Variants in MYO3B observed in about 807,000 individuals in gnomAD.
The protein encoded by MYO3B is myosin IIIB, also known as myosin-IIIb.
In MYO3B, 156 loss-of-function variants were observed where a neutral mutation model predicts 174.6. The observed-to-expected ratio is 0.89, with a 90% CI of 0.78 to 1.02. The LOEUF (loss-of-function observed/expected upper bound fraction) is 1.02. Among genes scored for constraint, MYO3B ranks in the 50% least tolerant of loss-of-function variants. The pLI is 0.00. For synonymous variants in MYO3B, 563 were observed against 569.1 expected, an observed-to-expected ratio of 0.99 and a Z score of 0.15; for missense variants, 1,632 against 1,639.4, an observed-to-expected ratio of 1.00 and a Z score of 0.08.
chr2:170,529,762 G>A (rs543999000), intron 30 of MYO3B, among the ~76,000 whole-genome samples: 1 of 152,170 alleles, frequency 6.6e-6, no homozygotes, highest in East Asian at 1.9e-4. Context: ...AAATATTGCA[G>A]GAAACAAAAT....
At chr2:170,326,341 T>C (rs1271735551) in intron 7 of MYO3B, among the ~76,000 whole-genome samples, 1 of 152,202 alleles carries the variant, frequency 6.6e-6, no homozygotes. Context: ...AAAAAAATTA[T>C]GCATTTACAA....
intron 7 of MYO3B, among the ~76,000 whole-genome samples, chr2:170,326,933 G>A (rs576502802): frequency 3.3e-5 from 5 of 152,348 alleles, no homozygotes; most frequent in Admixed American, 6.5e-5. Context: ...GCCAGAGGAC[G>A]TGAACACCTG....
At chr2:170,624,980 G>T (rs1009636837) in intron 32 of MYO3B, among the ~76,000 whole-genome samples, 5 of 152,174 alleles carry the variant, frequency 3.3e-5, no homozygotes, top group African/African-American at 1.2e-4. Flanking sequence ...GTATTTTATT[G>T]AGGATTTTTG....
At chr2:170,365,888 G>T (rs13004652) in intron 8 of MYO3B, among the ~76,000 whole-genome samples, 65,630 of 151,982 alleles carry the variant, frequency 0.43, 16,799 homozygotes, top group Admixed American at 0.6. Context: ...AGTTCAGAGC[G>T]TGCCCAACCC....
chr2:170,378,962 C>A (rs2094314378), intron 9 of MYO3B, among the ~76,000 whole-genome samples: 1 of 152,192 alleles, frequency 6.6e-6, no homozygotes, highest in Non-Finnish European at 1.5e-5. Flanking sequence ...TTCTCAGAGT[C>A]TTAAGATAGC....
intron 32 of MYO3B, among the ~76,000 whole-genome samples, chr2:170,625,418 T>C (rs530625829): frequency 6.4e-4 from 97 of 152,350 alleles, no homozygotes; most frequent in African/African-American, 2.2e-3. Flanking sequence ...TGATATGCCC[T>C]TTATCACATC....
chr2:170,607,536 C>G (rs1403427639), intron 32 of MYO3B, among the ~76,000 whole-genome samples: 1 of 151,232 alleles, frequency 6.6e-6, no homozygotes, highest in African/African-American at 2.4e-5. Flanking sequence ...AAGGAAGTTT[C>G]ATGACCATTC....
intron 22 of MYO3B, 25 bp from the exon 23 acceptor site, chr2:170,443,942 A>G (rs1335667555): frequency 3.8e-6 from 6 of 1,587,506 alleles, no homozygotes; most frequent in Non-Finnish European, 4.3e-6. Flanking sequence ...CCTTTAATTT[A>G]TGTTCTTTGT....
intron 17 of MYO3B, among the ~76,000 whole-genome samples, chr2:170,400,653 C>T (rs891761404): frequency 2.1e-5 from 3 of 140,634 alleles, no homozygotes; most frequent in Admixed American, 7.0e-5. Flanking sequence ...TCCACCCCCC[C>T]CCCCTCGGCC....
intron 3 of MYO3B, among the ~76,000 whole-genome samples, chr2:170,213,665 G>GA: frequency 6.6e-6 from 1 of 152,222 alleles, no homozygotes; most frequent in South Asian, 2.1e-4. Context: ...TGCTTTATGT[G>GA]CTCAAACTTC....
intron 32 of MYO3B, among the ~76,000 whole-genome samples, chr2:170,575,715 C>T (rs1233739469): frequency 6.6e-6 from 1 of 152,178 alleles, no homozygotes; most frequent in East Asian, 1.9e-4. Context: ...AGATTATAGG[C>T]AGTCCTTACT....
At chr2:170,633,987 A>G (rs1016257242) in intron 32 of MYO3B, among the ~76,000 whole-genome samples, 3 of 152,246 alleles carry the variant, frequency 2.0e-5, no homozygotes, top group African/African-American at 7.2e-5. Flanking sequence ...AAATGGAAGA[A>G]CATTCCATGC....
At chr2:170,376,385 A>G (rs752941582) in intron 9 of MYO3B, among the ~76,000 whole-genome samples, 1 of 152,216 alleles carries the variant, frequency 6.6e-6, no homozygotes, top group Non-Finnish European at 1.5e-5. Context: ...TTGAATGGAA[A>G]TTAAGATTTA....
At chr2:170,617,562 A>G (rs1254689408) in intron 32 of MYO3B, among the ~76,000 whole-genome samples, 2 of 152,328 alleles carry the variant, frequency 1.3e-5, no homozygotes, top group East Asian at 3.9e-4. Flanking sequence ...TCTCCAGCCC[A>G]AACTCTCATA....
intron 7 of MYO3B, among the ~76,000 whole-genome samples, chr2:170,333,558 C>G (rs539135812): frequency 6.6e-6 from 1 of 152,132 alleles, no homozygotes; most frequent in Non-Finnish European, 1.5e-5. Context: ...ATCCTTCCCC[C>G]CTGCTCTCTC....
intron 12 of MYO3B, 99 bp from the exon 13 acceptor site, chr2:170,386,090 A>G (rs2094372138): frequency 2.3e-6 from 2 of 887,590 alleles, no homozygotes; most frequent in African/African-American, 1.7e-5. Context: ...TCTATCTCTC[A>G]GTGAAAAATT....
At chr2:170,634,240 A>G (rs1445699146) in intron 32 of MYO3B, among the ~76,000 whole-genome samples, 3 of 152,338 alleles carry the variant, frequency 2.0e-5, no homozygotes, top group South Asian at 2.1e-4. Context: ...ACAGTAACCA[A>G]AACAGCATGG....
chr2:170,233,960 A>G (rs2093039933), intron 6 of MYO3B, among the ~76,000 whole-genome samples: 1 of 152,012 alleles, frequency 6.6e-6, no homozygotes, highest in African/African-American at 2.4e-5. Context: ...TCACGAGGTC[A>G]GGAGATCGAG....
chr2:170,363,003 T>G (rs1292603704), intron 8 of MYO3B, among the ~76,000 whole-genome samples: 1 of 152,186 alleles, frequency 6.6e-6, no homozygotes, highest in Non-Finnish European at 1.5e-5. Flanking sequence ...CTGGAGGATT[T>G]TCTCCCCTTG....
Sources: gnomAD v4.1 joint callset for allele counts (sites outside exome capture counted in the v4.1 genomes callset) on GRCh38, gnomAD v4.1.1 for gene constraint, MANE v1.5 for transcripts, NCBI Gene and HGNC (gene_info 2026-07-23, HGNC 2026-07-21) for gene names.